Variants in MTR observed in about 807,000 individuals in gnomAD.
MTR encodes the protein 5-methyltetrahydrofolate-homocysteine methyltransferase.
Under a neutral mutation model 154.8 loss-of-function variants are expected in MTR, and 84 were observed. That is an observed-to-expected ratio of 0.54 (90% CI 0.45 to 0.65). The LOEUF is 0.65. Among genes scored for constraint, MTR ranks in the 30% least tolerant of loss-of-function variants. The pLI is 0.00. For missense variants in MTR, 1,275 were observed against 1,570.2 expected (o/e 0.81, Z 3.18); for synonymous variants, 554 against 553.9 (o/e 1.00, Z 0.00).
At chr1:236,819,777 A>G (rs779964982) in intron 8 of MTR, 5 of 758,220 alleles carry the variant, frequency 6.6e-6, no homozygotes, top group South Asian at 1.3e-5. Flanking sequence ...TGGGATCTAC[A>G]TCATAAATCT....
rs575386637 is a variant in MTR at position 236,848,426 on chromosome 1, G to T, written c.1516-1918G>T. Among the ~76,000 whole-genome samples the T allele has an allele frequency of 2.6e-5, 4 of 152,282 alleles. No individual in the cohort carries two copies. The East Asian group carries it at 7.7e-4, about 29-fold the overall frequency. On this transcript the variant is annotated intron_variant, in intron 15 of 32. Coordinates refer to ENST00000366577, the MANE Select transcript of MTR (RefSeq NM_000254.3). ...TGTGCCTTCTCTCTTAGTGAGCTTAGATGAGCCATGAACCTAGAGCCTAGA... is the reference window on the plus strand; with the variant it reads ...TGTGCCTTCTCTCTTAGTGAGCTTATATGAGCCATGAACCTAGAGCCTAGA...
Position 236,815,588 on chromosome 1 carries a change from C to A in MTR, c.610-16C>A. 11 of 1,613,690 alleles carry A rather than the reference C, an allele frequency of 6.8e-6. No individual in the cohort carries two copies. Among genetic ancestry groups the A allele is most frequent in the Non-Finnish European group, 9.3e-6 (11 of 1,179,668 alleles). ...ACTCTCAGAAATAAAGACGTTCTTT[C>A]TTTTTTCCCTGACAGGCAGCCTTGT... On this transcript the variant is annotated splice_polypyrimidine_tract_variant and intron_variant, in intron 6 of 32. Transcript: ENST00000366577.
At chr1:236,858,348 A>G (rs1189889821) in intron 18 of MTR, among the ~76,000 whole-genome samples, 1 of 152,144 alleles carries the variant, frequency 6.6e-6, no homozygotes, top group Non-Finnish European at 1.5e-5. Flanking sequence ...CAAGAACAGC[A>G]CAGGAAAGAC....
chr1:236,809,005 C>G (rs1213448111), intron 4 of MTR, among the ~76,000 whole-genome samples: 2 of 152,204 alleles, frequency 1.3e-5, no homozygotes, highest in Non-Finnish European at 2.9e-5. Flanking sequence ...TTTGCTCTTT[C>G]ACCCTGGGTT....
chr1:236,816,601 C>A, intron 8 of MTR, 58 bp downstream of exon 8: 1 of 1,391,438 alleles, frequency 7.2e-7, no homozygotes, highest in Non-Finnish European at 1.0e-6. Context: ...TTTCTGATGG[C>A]TGTGGAGTGT....
At chr1:236,883,122 T>C (rs1431883921) in intron 25 of MTR, among the ~76,000 whole-genome samples, 1 of 152,272 alleles carries the variant, frequency 6.6e-6, no homozygotes, top group Non-Finnish European at 1.5e-5. Context: ...CAATATTTTA[T>C]TCTTTTTAAA....
intron 24 of MTR, among the ~76,000 whole-genome samples, chr1:236,878,283 C>A (rs758097988): frequency 5.9e-5 from 9 of 152,082 alleles, no homozygotes; most frequent in Admixed American, 3.3e-4. Context: ...AAATAGAAAG[C>A]ATTCAGGAGT....
intron 8 of MTR, among the ~76,000 whole-genome samples, chr1:236,816,860 A>G (rs938301332): frequency 4.6e-5 from 7 of 152,210 alleles, no homozygotes; most frequent in African/African-American, 1.7e-4. Flanking sequence ...AGGCAACCAG[A>G]AGCAATCTGT....
chr1:236,825,472 A>T, intron 10 of MTR, 73 bp downstream of exon 10: 2 of 1,413,302 alleles, frequency 1.4e-6, no homozygotes, highest in Non-Finnish European at 1.0e-6. Context: ...AGTATTTAGA[A>T]GGAGAATTTT....
At chr1:236,845,057 C>G (rs1342203685) in intron 15 of MTR, among the ~76,000 whole-genome samples, 1 of 149,656 alleles carries the variant, frequency 6.7e-6, no homozygotes, top group African/African-American at 2.5e-5. Flanking sequence ...GTTTAGTCTT[C>G]AGAGTGACCA....
In MTR at chr1:236,805,548, G is replaced by A. The variant is rs184983254; in HGVS notation, c.250-596G>A. The stretch of plus-strand genomic sequence containing the variant: ...CAGGCTGGAGTGCAGTGGTGCCACC[G>A]TGGCTCACTCTAGCCCACTGTGGCT... On this transcript the variant is annotated intron_variant, in intron 2 of 32. Transcript: ENST00000366577. Among the ~76,000 whole-genome samples, 68 of 152,244 alleles carry A rather than the reference G, an allele frequency of 4.5e-4. 1 individual carries two copies. The highest frequency in any genetic ancestry group is 2.6e-3 in the Admixed American group (39 of 15,280).
intron 3 of MTR, among the ~76,000 whole-genome samples, chr1:236,807,570 C>A (rs1239984858): frequency 6.6e-6 from 1 of 152,150 alleles, no homozygotes; most frequent in African/African-American, 2.4e-5. Context: ...AAATAGTAGT[C>A]ATCCTAATGA....
intron 1 of MTR, 143 bp downstream of exon 1, chr1:236,795,880 G>C (rs1660351000): frequency 7.7e-7 from 1 of 1,305,560 alleles, no homozygotes; most frequent in South Asian, 1.2e-5. Flanking sequence ...TTAGAACTTA[G>C]CGCAGGAGCC....
At chr1:236,892,838 C>T (rs549940420) in intron 29 of MTR, among the ~76,000 whole-genome samples, 55 of 152,156 alleles carry the variant, frequency 3.6e-4, no homozygotes, top group South Asian at 1.0e-3. Context: ...GTGTCCTCTG[C>T]GATCTCTTTT....
At chr1:236,868,995 A>G (rs1664971699) in intron 22 of MTR, among the ~76,000 whole-genome samples, 1 of 152,202 alleles carries the variant, frequency 6.6e-6, no homozygotes, top group Non-Finnish European at 1.5e-5. Context: ...CACTGGCACT[A>G]CTTAAGTACA....
At chr1:236,816,995 A>C (rs1447486605) in intron 8 of MTR, among the ~76,000 whole-genome samples, 1 of 152,162 alleles carries the variant, frequency 6.6e-6, no homozygotes, top group South Asian at 2.1e-4. Flanking sequence ...AGGATCTCTT[A>C]AGGCCAGGTG....
At chr1:236,804,966 A>G (rs1558272176) in intron 2 of MTR, among the ~76,000 whole-genome samples, 1 of 152,144 alleles carries the variant, frequency 6.6e-6, no homozygotes, top group East Asian at 1.9e-4. Flanking sequence ...CAGTATTTGT[A>G]GATATACACA....
chr1:236,890,150 G>C (rs554826425), intron 28 of MTR, among the ~76,000 whole-genome samples: 28 of 145,002 alleles, frequency 1.9e-4, no homozygotes, highest in Middle Eastern at 6.8e-3. Context: ...TTTCCCACGG[G>C]GGGGCGTGCC....
intron 25 of MTR, 57 bp from the exon 26 acceptor site, chr1:236,885,064 C>CATT: frequency 9.4e-7 from 1 of 1,064,860 alleles, no homozygotes. Context: ...CAGCATTGAC[C>CATT]ATTACTACAC....
Sources: gnomAD v4.1 joint callset for allele counts (sites outside exome capture counted in the v4.1 genomes callset) on GRCh38, gnomAD v4.1.1 for gene constraint, MANE v1.5 for transcripts, NCBI Gene and HGNC (gene_info 2026-07-23, HGNC 2026-07-21) for gene names.